CTNND2: variants seen among roughly 807,000 people sequenced by gnomAD.
The protein encoded by CTNND2 is catenin delta-2.
In CTNND2, 22 loss-of-function variants were observed where a neutral mutation model predicts 144.4. The ratio of observed to expected loss-of-function variants is 0.15; its 90% CI spans 0.11 to 0.22. The LOEUF (loss-of-function observed/expected upper bound fraction) is 0.22. Among genes scored for constraint, CTNND2 ranks in the 10% least tolerant of loss-of-function variants. CTNND2 has a pLI of 1.00. For missense variants in CTNND2, 1,353 were observed against 1,618.8 expected (o/e 0.84, Z 2.82); for synonymous variants, 751 against 695.6 (o/e 1.08, Z -1.25).
intron 8 of CTNND2, among the ~76,000 whole-genome samples, chr5:11,356,738 G>A (rs1755922454): frequency 6.6e-6 from 1 of 151,192 alleles, no homozygotes; most frequent in South Asian, 2.1e-4. Flanking sequence ...AGACTGAGAA[G>A]ACAATCTATA....
intron 11 of CTNND2, among the ~76,000 whole-genome samples, chr5:11,176,148 C>T (rs573756048): frequency 2.0e-5 from 3 of 152,090 alleles, no homozygotes; most frequent in Admixed American, 6.6e-5. Context: ...AGTACTGATG[C>T]CCAATATCAT....
At chr5:11,452,779 T>C (rs1308173366) in intron 3 of CTNND2, among the ~76,000 whole-genome samples, 4 of 152,224 alleles carry the variant, frequency 2.6e-5, no homozygotes, top group Non-Finnish European at 1.5e-5. Flanking sequence ...ACTTTTGATG[T>C]AGTTCATTTA....
intron 11 of CTNND2, among the ~76,000 whole-genome samples, chr5:11,196,730 G>A (rs747929547): frequency 6.6e-6 from 1 of 152,122 alleles, no homozygotes; most frequent in South Asian, 2.1e-4. Context: ...CAGGCCTATC[G>A]CTTTAAATAT....
intron 1 of CTNND2, among the ~76,000 whole-genome samples, chr5:11,827,314 T>A (rs1283723002): frequency 6.6e-6 from 1 of 152,094 alleles, no homozygotes; most frequent in African/African-American, 2.4e-5. Context: ...GGGACTCAGT[T>A]AAACTGTTGC....
intron 2 of CTNND2, among the ~76,000 whole-genome samples, chr5:11,584,987 C>T (rs888055710): frequency 2.6e-5 from 4 of 152,102 alleles, no homozygotes; most frequent in Non-Finnish European, 4.4e-5. Context: ...TGAAAACATA[C>T]TTTGGAGAAA....
At chr5:11,670,103 C>A (rs150854093) in intron 2 of CTNND2, among the ~76,000 whole-genome samples, 3 of 152,002 alleles carry the variant, frequency 2.0e-5, no homozygotes, top group Non-Finnish European at 2.9e-5. Context: ...GATTGCACTG[C>A]GGTCTGAGTA....
chr5:11,596,716 C>G (rs150851950), intron 2 of CTNND2, among the ~76,000 whole-genome samples: 1 of 152,204 alleles, frequency 6.6e-6, no homozygotes, highest in East Asian at 1.9e-4. Context: ...CTTCCTACAG[C>G]CTTGGGAAGT....
chr5:11,436,336 C>A (rs1168227320), intron 3 of CTNND2, among the ~76,000 whole-genome samples: 3 of 152,074 alleles, frequency 2.0e-5, no homozygotes, highest in Admixed American at 1.3e-4. Flanking sequence ...AGATCTCCAA[C>A]CAGGCTATTT....
chr5:11,178,815 T>C (rs182998368), intron 11 of CTNND2, among the ~76,000 whole-genome samples: 3 of 152,306 alleles, frequency 2.0e-5, no homozygotes, highest in Admixed American at 1.3e-4. Flanking sequence ...ATCAATTTAG[T>C]GTACCAGGAA....
At chr5:11,068,473 G>C (rs1476937229) in intron 16 of CTNND2, among the ~76,000 whole-genome samples, 1 of 152,112 alleles carries the variant, frequency 6.6e-6, no homozygotes, top group East Asian at 1.9e-4. Flanking sequence ...AGGGTAAGTA[G>C]GTCTCAGTTA....
chr5:11,240,122 ACCC>A (rs552250334), intron 9 of CTNND2, among the ~76,000 whole-genome samples: 2 of 148,408 alleles, frequency 1.3e-5, no homozygotes, highest in African/African-American at 5.0e-5. Context: ...ACACACACAC[ACCC>A]CCAACACACA....
chr5:11,442,519 GGA>G (rs143798274), intron 3 of CTNND2, among the ~76,000 whole-genome samples: 3,521 of 152,128 alleles, frequency 0.023, 148 homozygotes, highest in African/African-American at 0.08. Context: ...GTAAAAGAAA[GGA>G]GAGTTAGTTT....
chr5:11,573,957 G>A (rs1483309412), intron 2 of CTNND2, among the ~76,000 whole-genome samples: 1 of 151,950 alleles, frequency 6.6e-6, no homozygotes, highest in African/African-American at 2.4e-5. Flanking sequence ...ATTAACAAAG[G>A]CTACATGTCT....
At chr5:11,236,480 T>C (rs1298944951) in intron 10 of CTNND2, among the ~76,000 whole-genome samples, 1 of 152,210 alleles carries the variant, frequency 6.6e-6, no homozygotes, top group Non-Finnish European at 1.5e-5. Context: ...TGGTCCTCTG[T>C]TCCTCGGTAT....
chr5:11,106,214 T>C (rs1366695515), intron 14 of CTNND2, among the ~76,000 whole-genome samples: 1 of 152,200 alleles, frequency 6.6e-6, no homozygotes, highest in Non-Finnish European at 1.5e-5. Context: ...AAGAATGCAC[T>C]CTCAAGAAGT....
At chr5:11,581,268 T>C (rs1778407549) in intron 2 of CTNND2, among the ~76,000 whole-genome samples, 1 of 152,124 alleles carries the variant, frequency 6.6e-6, no homozygotes, top group Non-Finnish European at 1.5e-5. Flanking sequence ...TTTTATCTTA[T>C]ATTTTTCAGC....
At chr5:11,451,398 G>A (rs1296157339) in intron 3 of CTNND2, among the ~76,000 whole-genome samples, 1 of 152,120 alleles carries the variant, frequency 6.6e-6, no homozygotes, top group African/African-American at 2.4e-5. Context: ...AACTATGTGT[G>A]CCCAAAGACA....
intron 9 of CTNND2, among the ~76,000 whole-genome samples, chr5:11,337,418 C>T (rs1054287467): frequency 8.5e-5 from 13 of 152,080 alleles, no homozygotes; most frequent in Non-Finnish European, 1.6e-4. Context: ...GATTTACTTC[C>T]CCCACCTACC....
chr5:11,501,608 T>C (rs145241887), intron 3 of CTNND2, among the ~76,000 whole-genome samples: 163 of 152,238 alleles, frequency 1.1e-3, no homozygotes, highest in African/African-American at 3.6e-3. Flanking sequence ...CCCAAATTCA[T>C]CTGTTGAAAC....
Sources: allele counts gnomAD v4.1 joint callset (sites outside exome capture counted in the v4.1 genomes callset), GRCh38; gene constraint gnomAD v4.1.1; transcripts MANE v1.5; gene names NCBI Gene and HGNC (gene_info 2026-07-23, HGNC 2026-07-21).